The following KHDRBS2 variants were observed in gnomAD, a reference collection of about 807,000 sequenced individuals.
KHDRBS2 encodes KH RNA binding domain containing, signal transduction associated 2, also known as KH domain-containing, RNA-binding, signal transduction-associated protein 2.
KHDRBS2 carries 26 observed loss-of-function variants against 44.3 expected under a neutral mutation model. The ratio of observed to expected loss-of-function variants is 0.59; its 90% CI spans 0.43 to 0.81. The LOEUF is 0.81. KHDRBS2 is among the 40% of genes least tolerant of loss of function. KHDRBS2 has a pLI of 0.00. For synonymous variants in KHDRBS2, 194 were observed against 151.1 expected, an observed-to-expected ratio of 1.28 and a Z score of -2.08; for missense variants, 476 against 433.1, an observed-to-expected ratio of 1.10 and a Z score of -0.88.
rs1818378040 is a variant in KHDRBS2 at position 62,164,974 on chromosome 6, T to C, written c.219+12211A>G. On this transcript the variant is annotated intron_variant, in intron 2 of 8. Transcript: ENST00000281156. Reference sequence around the variant, plus strand: ...CATGTGTGATAGGAACATTAGCTTCTTGTTCAGTTAGAAATATGAATTCTT... The same window carrying C: ...CATGTGTGATAGGAACATTAGCTTCCTGTTCAGTTAGAAATATGAATTCTT... Among the ~76,000 whole-genome samples the C allele has an allele frequency of 3.9e-5, 6 of 152,052 alleles. No individual in the cohort carries two copies. The South Asian group carries it at 1.2e-3, about 31-fold the overall frequency.
chr6:62,143,401 A>T (rs1172597019), intron 2 of KHDRBS2, among the ~76,000 whole-genome samples: 1 of 152,024 alleles, frequency 6.6e-6, no homozygotes, highest in African/African-American at 2.4e-5. Flanking sequence ...ATTAATTTTA[A>T]TGTATATATT....
chr6:61,656,563 T>A, the KHDRBS2 span, among the ~76,000 whole-genome samples: 1 of 151,970 alleles, frequency 6.6e-6, no homozygotes, highest in Non-Finnish European at 1.5e-5. Flanking sequence ...TGCATGTAAC[T>A]CAGTGGTGTG....
At chr6:61,626,721 G>A in the KHDRBS2 span, among the ~76,000 whole-genome samples, 49 of 152,268 alleles carry the variant, frequency 3.2e-4, no homozygotes, top group Admixed American at 3.1e-3. Flanking sequence ...TCTATGTTCG[G>A]GTGGCTTTTC....
intron 1 of KHDRBS2, 99 bp from the exon 2 acceptor site, chr6:62,177,411 T>C: frequency 1.1e-6 from 1 of 898,366 alleles, no homozygotes; most frequent in South Asian, 1.9e-5. Flanking sequence ...ATATTACTCC[T>C]CTTCTCAAAT....
At chr6:62,050,901 C>T (rs1302078045) in intron 2 of KHDRBS2, among the ~76,000 whole-genome samples, 1 of 152,018 alleles carries the variant, frequency 6.6e-6, no homozygotes, top group African/African-American at 2.4e-5. Flanking sequence ...AAGTGCTCAT[C>T]CTAGAAGTAC....
chr6:62,249,207 C>T (rs1190215866), intron 1 of KHDRBS2, among the ~76,000 whole-genome samples: 3 of 151,960 alleles, frequency 2.0e-5, no homozygotes, highest in South Asian at 2.1e-4. Context: ...TGCTTAAATG[C>T]CATAATTATG....
chr6:61,778,642 C>T (rs1782469377), intron 6 of KHDRBS2, among the ~76,000 whole-genome samples: 1 of 152,176 alleles, frequency 6.6e-6, no homozygotes, highest in Non-Finnish European at 1.5e-5. Flanking sequence ...GATGATTCCT[C>T]TTTCCTGGGA....
chr6:61,860,357 C>G (rs910707980), intron 6 of KHDRBS2, among the ~76,000 whole-genome samples: 1 of 151,592 alleles, frequency 6.6e-6, no homozygotes, highest in Non-Finnish European at 1.5e-5. Context: ...TTTTCTTGAT[C>G]CTATTCCTCC....
At chr6:62,039,801 G>C (rs1786073026) in intron 3 of KHDRBS2, among the ~76,000 whole-genome samples, 1 of 152,074 alleles carries the variant, frequency 6.6e-6, no homozygotes, top group African/African-American at 2.4e-5. Context: ...AGTACTTTCT[G>C]TGTAGTGCCA....
the KHDRBS2 span, among the ~76,000 whole-genome samples, chr6:61,543,063 T>C: frequency 1.3e-5 from 2 of 152,078 alleles, no homozygotes; most frequent in East Asian, 3.9e-4. Flanking sequence ...CAAAGATTTC[T>C]TGAGTAATAC....
At chr6:61,689,305 A>T (rs941335647) in intron 8 of KHDRBS2, among the ~76,000 whole-genome samples, 1 of 151,964 alleles carries the variant, frequency 6.6e-6, no homozygotes, top group African/African-American at 2.4e-5. Flanking sequence ...TCATAAGTAT[A>T]GCACTTTCCT....
intron 3 of KHDRBS2, among the ~76,000 whole-genome samples, chr6:62,005,868 T>C (rs1268147468): frequency 6.6e-6 from 1 of 151,900 alleles, no homozygotes; most frequent in Non-Finnish European, 1.5e-5. Flanking sequence ...TAAAATTCAA[T>C]AGATTAACCA....
At chr6:61,590,045 A>T in the KHDRBS2 span, among the ~76,000 whole-genome samples, 1 of 152,206 alleles carries the variant, frequency 6.6e-6, no homozygotes, top group Non-Finnish European at 1.5e-5. Context: ...CTGCTGGTAA[A>T]AAAAAATAGC....
chr6:62,120,713 C>A (rs893781574), intron 2 of KHDRBS2, among the ~76,000 whole-genome samples: 13 of 152,034 alleles, frequency 8.6e-5, no homozygotes, highest in African/African-American at 2.7e-4. Flanking sequence ...GTTGAGTGGA[C>A]AAATGAATAA....
chr6:61,934,481 T>C (rs1810671039), intron 4 of KHDRBS2, among the ~76,000 whole-genome samples: 1 of 152,152 alleles, frequency 6.6e-6, no homozygotes, highest in African/African-American at 2.4e-5. Flanking sequence ...ATATGCATTG[T>C]CAGTCTAGGA....
intron 4 of KHDRBS2, among the ~76,000 whole-genome samples, chr6:61,954,805 TAC>T (rs1562513232): frequency 3.0e-5 from 3 of 99,166 alleles, no homozygotes; most frequent in South Asian, 6.4e-4. Context: ...TATGTATGTA[TAC>T]ATACGCATGT....
At chr6:61,925,214 C>A (rs965281565) in intron 4 of KHDRBS2, among the ~76,000 whole-genome samples, 3 of 152,006 alleles carry the variant, frequency 2.0e-5, no homozygotes, top group African/African-American at 7.3e-5. Flanking sequence ...CTGTGTGCTG[C>A]AGTTGGAAAA....
In KHDRBS2 at chr6:61,694,896, T is replaced by C. The variant is rs775323416; in HGVS notation, c.952+2299A>G. Among the ~76,000 whole-genome samples, 21 of 152,344 alleles carry C rather than the reference T, an allele frequency of 1.4e-4. 1 individual carries two copies. The highest frequency in any genetic ancestry group is 3.4e-3 in the Middle Eastern group (1 of 294). On this transcript the variant is annotated intron_variant, in intron 8 of 8. Coordinates refer to ENST00000281156, the MANE Select transcript of KHDRBS2 (RefSeq NM_152688.4). The stretch of plus-strand genomic sequence containing the variant: ...TTTCTGAAATTATGTTAATTTGTTT[T>C]GGAAAATAGTTCTGTCTCCTATAAC...
chr6:62,276,190 A>G (rs531819155), intron 1 of KHDRBS2, among the ~76,000 whole-genome samples: 3 of 152,322 alleles, frequency 2.0e-5, no homozygotes, highest in African/African-American at 7.2e-5. Context: ...ACAGACATCG[A>G]TCGTGGCATT....
Sources: allele counts gnomAD v4.1 joint callset (sites outside exome capture counted in the v4.1 genomes callset), GRCh38; gene constraint gnomAD v4.1.1; transcripts MANE v1.5; gene names NCBI Gene and HGNC (gene_info 2026-07-23, HGNC 2026-07-21).